NSRP1: variants seen among roughly 807,000 people sequenced by gnomAD.
NSRP1 encodes coiled-coil domain containing 55.
A neutral mutation model predicts 54.7 loss-of-function variants in NSRP1; 24 were observed. That is an observed-to-expected ratio of 0.44 (90% CI 0.32 to 0.62). The LOEUF (loss-of-function observed/expected upper bound fraction) is 0.62, where lower values mean the gene tolerates loss of function less well. NSRP1 is among the 20% of genes least tolerant of loss of function. NSRP1 has a pLI of 0.06. For missense variants in NSRP1, 596 were observed against 651.2 expected, an observed-to-expected ratio of 0.92 and a Z score of 0.92; for synonymous variants, 210 against 213.8, an observed-to-expected ratio of 0.98 and a Z score of 0.15.
intron 2 of NSRP1, among the ~76,000 whole-genome samples, chr17:30,170,983 G>T (rs761366031): frequency 6.6e-6 from 1 of 152,060 alleles, no homozygotes; most frequent in African/African-American, 2.4e-5. Context: ...ACAGGTGTGA[G>T]GTGTTATCTC....
At position 30,182,284 on chromosome 17, in the gene NSRP1, C is replaced by T. The variant is rs1417950864; in HGVS notation, c.617+1268C>T. 3.3e-5 allele frequency among the ~76,000 whole-genome samples: 5 copies of T among 152,150 alleles called. 1 individual carries two copies. The South Asian group carries it at 1.0e-3, about 32-fold the overall frequency. ...TTCCTAAAATGTAAGACTTACATAT[C>T]GGGGCTAGAACTGCACTGTTAGTAT... On this transcript the variant is annotated intron_variant, in intron 6 of 6. Transcript: ENST00000247026.
At chr17:30,117,761 T>TG (rs2071554656) in intron 1 of NSRP1, among the ~76,000 whole-genome samples, 1 of 132,288 alleles carries the variant, frequency 7.6e-6, no homozygotes, top group African/African-American at 2.7e-5. Flanking sequence ...CTACACATGT[T>TG]TTTTTTTTTT....
At chr17:30,148,984 G>A (rs1439431660) in intron 2 of NSRP1, among the ~76,000 whole-genome samples, 4 of 151,948 alleles carry the variant, frequency 2.6e-5, no homozygotes, top group Non-Finnish European at 4.4e-5. Flanking sequence ...TATGTTTATT[G>A]CTTCCCTGGG....
chr17:30,168,625 A>G (rs535704233), intron 2 of NSRP1, among the ~76,000 whole-genome samples: 67 of 149,472 alleles, frequency 4.5e-4, no homozygotes, highest in African/African-American at 1.6e-3. Flanking sequence ...AAATAAAATA[A>G]GTATCTGCTC....
At chr17:30,136,856 A>G (rs1356995934) in intron 2 of NSRP1, among the ~76,000 whole-genome samples, 1 of 152,144 alleles carries the variant, frequency 6.6e-6, no homozygotes, top group Non-Finnish European at 1.5e-5. Flanking sequence ...TAGTAATTAT[A>G]CACACACACA....
At chr17:30,117,052 A>C in intron 1 of NSRP1, 189 bp downstream of exon 1, 1 of 797,198 alleles carries the variant, frequency 1.3e-6, no homozygotes, top group East Asian at 2.6e-5. Flanking sequence ...TGGAAGCCCG[A>C]AGTTTGAGGG....
intron 2 of NSRP1, among the ~76,000 whole-genome samples, chr17:30,138,685 G>A (rs993646038): frequency 6.6e-6 from 1 of 152,052 alleles, no homozygotes; most frequent in Non-Finnish European, 1.5e-5. Context: ...ACTTTGGGGG[G>A]TGGAGGGGGA....
chr17:30,175,292 T>C (rs1474457763), intron 3 of NSRP1, among the ~76,000 whole-genome samples: 1 of 152,210 alleles, frequency 6.6e-6, no homozygotes, highest in African/African-American at 2.4e-5. Context: ...TGCATTATGA[T>C]TTCTTGTTTG....
intron 2 of NSRP1, among the ~76,000 whole-genome samples, chr17:30,140,095 A>G (rs530278486): frequency 6.6e-6 from 1 of 152,358 alleles, no homozygotes; most frequent in Admixed American, 6.5e-5. Context: ...GAGGCTGCTT[A>G]CATGTAATAT....
chr17:30,172,565 G>A lies in NSRP1; in HGVS notation c.138G>A (p.Gln46=). 2 of 1,610,548 alleles carry A rather than the reference G, an allele frequency of 1.2e-6. No individual in the cohort carries two copies. Among genetic ancestry groups the A allele is most frequent in the Non-Finnish European group, 1.7e-6 (2 of 1,177,944 alleles). ...DDETSVSESL[Q]REAAKKQAMK... ...AGACCTCTGTGAGTGAAAGCCTTCA[G>A]AGGGAAGCTGCTAAGAAGCAGGCCA... is the stretch of plus-strand genomic sequence containing the variant. The change falls in exon 3 of 7, where the codon CAG becomes CAA. Residue 46 remains glutamine (Q), a synonymous_variant. Transcript: ENST00000247026.
chr17:30,168,901 C>G (rs373780574), intron 2 of NSRP1: 120 of 152,070 alleles, frequency 7.9e-4, no homozygotes, highest in African/African-American at 2.7e-3. Flanking sequence ...TTCAAAAGAT[C>G]ATCAGTTTTT....
At chr17:30,136,589 C>T (rs1227401428) in intron 2 of NSRP1, among the ~76,000 whole-genome samples, 1 of 152,130 alleles carries the variant, frequency 6.6e-6, no homozygotes, top group African/African-American at 2.4e-5. Flanking sequence ...TCATACAGAA[C>T]ATCATTATTG....
intron 2 of NSRP1, among the ~76,000 whole-genome samples, chr17:30,141,808 G>T (rs1373249719): frequency 2.6e-5 from 4 of 152,168 alleles, no homozygotes; most frequent in African/African-American, 7.2e-5. Flanking sequence ...TTCAAGACCA[G>T]CCCGGGCAAT....
At chr17:30,170,676 CATTT>C (rs1451315217) in intron 2 of NSRP1, among the ~76,000 whole-genome samples, 5 of 152,126 alleles carry the variant, frequency 3.3e-5, no homozygotes, top group Non-Finnish European at 5.9e-5. Flanking sequence ...TTTATCCATT[CATTT>C]GTCAATGAAC....
chr17:30,117,112 G>A, intron 1 of NSRP1: 3 of 754,258 alleles, frequency 4.0e-6, no homozygotes, highest in South Asian at 1.4e-5. Context: ...CAGAGAGCGA[G>A]ACTTTTCTAT....
intron 2 of NSRP1, among the ~76,000 whole-genome samples, chr17:30,135,770 T>G (rs1183592818): frequency 6.6e-6 from 1 of 151,460 alleles, no homozygotes; most frequent in Non-Finnish European, 1.5e-5. Context: ...ATGCCCGGTG[T>G]TGGCACCAGT....
At chr17:30,152,662 A>G (rs1220627928) in intron 2 of NSRP1, among the ~76,000 whole-genome samples, 1 of 151,816 alleles carries the variant, frequency 6.6e-6, no homozygotes, top group Non-Finnish European at 1.5e-5. Flanking sequence ...CATTTATTGA[A>G]TAGACTGTTC....
At chr17:30,176,373 G>C (rs1238553970) in intron 3 of NSRP1, among the ~76,000 whole-genome samples, 3 of 152,058 alleles carry the variant, frequency 2.0e-5, no homozygotes, top group African/African-American at 7.2e-5. Context: ...TACTTTGGAA[G>C]GCCAAGGTGG....
intron 2 of NSRP1, among the ~76,000 whole-genome samples, chr17:30,139,004 G>T (rs973254260): frequency 7.7e-6 from 1 of 129,608 alleles, no homozygotes; most frequent in Admixed American, 9.7e-5. Flanking sequence ...TGCAAGCTCC[G>T]CCTCCCGGGT....
Sources: gnomAD v4.1 joint callset for allele counts (sites outside exome capture counted in the v4.1 genomes callset) on GRCh38, gnomAD v4.1.1 for gene constraint, MANE v1.5 for transcripts, NCBI Gene and HGNC (gene_info 2026-07-23, HGNC 2026-07-21) for gene names.